The following CRYBB1 variants were observed in gnomAD, a reference collection of about 807,000 sequenced individuals.
CRYBB1 encodes beta-crystallin B1.
A neutral mutation model predicts 29.5 loss-of-function variants in CRYBB1; 16 were observed. The observed-to-expected ratio is 0.54, with a 90% CI of 0.37 to 0.82. CRYBB1 has a LOEUF of 0.82. Ranked by LOEUF, CRYBB1 falls within the 40% of genes least tolerant of loss-of-function variation. CRYBB1 has a pLI of 0.00. For synonymous variants in CRYBB1, 127 were observed against 136.7 expected (o/e 0.93, Z 0.49); for missense variants, 300 against 350.5 (o/e 0.86, Z 1.15).
chr22:26,601,176 A>G (rs1928806637), intron 5 of CRYBB1, among the ~76,000 whole-genome samples: 1 of 152,226 alleles, frequency 6.6e-6, no homozygotes, highest in Non-Finnish European at 1.5e-5. Context: ...ATGGAGAGAC[A>G]GAGCCTTACG....
intron 5 of CRYBB1, 150 bp from the exon 6 acceptor site, chr22:26,599,823 C>T: frequency 1.4e-6 from 1 of 725,068 alleles, no homozygotes; most frequent in Non-Finnish European, 2.5e-6. Context: ...TGCTCTGTGC[C>T]CTGGGGCAAG....
chr22:26,611,448 G>C (rs1042658287), intron 3 of CRYBB1, among the ~76,000 whole-genome samples: 2 of 150,380 alleles, frequency 1.3e-5, no homozygotes, highest in Non-Finnish European at 3.0e-5. Flanking sequence ...TAATGGGCTA[G>C]AGTTTGTTTT....
intron 3 of CRYBB1, among the ~76,000 whole-genome samples, chr22:26,611,453 TG>T (rs1260381144): frequency 4.1e-5 from 6 of 144,724 alleles, no homozygotes; most frequent in Non-Finnish European, 7.6e-5. Flanking sequence ...GGCTAGAGTT[TG>T]TTTTTTTTTT....
chr22:26,607,793 C>T (rs1929028695), intron 4 of CRYBB1, 96 bp downstream of exon 4: 1 of 1,565,248 alleles, frequency 6.4e-7, no homozygotes, highest in Non-Finnish European at 8.8e-7. Context: ...CCTCCCTACC[C>T]ACCATCATCT....
chr22:26,599,774 C>T lies in CRYBB1; in HGVS notation c.576-101G>A, dbSNP rs563081869. 8 of 894,210 alleles carry T rather than the reference C, an allele frequency of 8.9e-6. No individual in the cohort carries two copies. In the East Asian group the frequency reaches 1.3e-4, roughly 14 times the overall value. The allele number at this position is 894,210 out of a possible 1,614,324, so 55.4% of individuals were successfully genotyped here. On this transcript the variant is annotated intron_variant, in intron 5 of 5. Coordinates refer to ENST00000647684, the MANE Select transcript of CRYBB1 (RefSeq NM_001887.4). Reference sequence around the variant, plus strand: ...CCTGTCCTTCATTGATCCCTGCAGTCGGCTGCTCTCTCACTTCTGTCCTGG... The same window carrying T: ...CCTGTCCTTCATTGATCCCTGCAGTTGGCTGCTCTCTCACTTCTGTCCTGG...
chr22:26,610,456 A>C (rs1569206323), intron 3 of CRYBB1, among the ~76,000 whole-genome samples: 1 of 152,094 alleles, frequency 6.6e-6, no homozygotes, highest in Admixed American at 6.5e-5. Context: ...CACCAGCTGC[A>C]TCTTTGTTTG....
At chr22:26,601,848 G>A (rs757542184) in intron 5 of CRYBB1, 31 bp downstream of exon 5, 1 of 1,611,430 alleles carries the variant, frequency 6.2e-7, no homozygotes, top group Non-Finnish European at 8.5e-7. Flanking sequence ...CTTGAAGCAG[G>A]GGACGCGGAC....
intron 4 of CRYBB1, among the ~76,000 whole-genome samples, chr22:26,606,585 TTG>T (rs1485013252): frequency 6.6e-6 from 1 of 152,222 alleles, no homozygotes; most frequent in African/African-American, 2.4e-5. Context: ...CATTCAATGA[TTG>T]AGAGAGACAT....
chr22:26,617,293 A>G (rs1386566394), intron 1 of CRYBB1, among the ~76,000 whole-genome samples: 2 of 152,138 alleles, frequency 1.3e-5, no homozygotes, highest in African/African-American at 4.8e-5. Flanking sequence ...GGACAAAAAT[A>G]ATGCTCTCTT....
At chr22:26,616,962 C>G (rs891516598) in intron 1 of CRYBB1, among the ~76,000 whole-genome samples, 3 of 152,198 alleles carry the variant, frequency 2.0e-5, no homozygotes, top group Admixed American at 6.5e-5. Context: ...ACCGTCCATC[C>G]CTAACACTTG....
At chr22:26,615,496 G>A (rs4822753) in intron 2 of CRYBB1, among the ~76,000 whole-genome samples, 30,551 of 151,828 alleles carry the variant, frequency 0.2, 3,258 homozygotes, top group Middle Eastern at 0.23. Context: ...CTCAACTATA[G>A]GTCCCCTTTT....
chr22:26,599,493 C>T lies in CRYBB1; in HGVS notation c.756G>A (p.Lys252=), dbSNP rs202221808. The T allele has an allele frequency of 1.2e-6, 2 of 1,612,264 alleles. No individual in the cohort carries two copies. Among genetic ancestry groups the T allele is most frequent in the East Asian group, 4.5e-5 (2 of 44,878 alleles). The change falls in exon 6 of 6, where the codon AAG becomes AAA. Residue 252 remains lysine, a synonymous_variant. Coordinates refer to ENST00000647684, the MANE Select transcript of CRYBB1 (RefSeq NM_001887.4). Reference sequence around the variant, plus strand: ...GGTAGCAGAGTGAGGTGTGGACTCACTTGGGGGGCTCTGTGGCCAGGACAG... The same window carrying T: ...GGTAGCAGAGTGAGGTGTGGACTCATTTGGGGGGCTCTGTGGCCAGGACAG... ...SFPVLATEPP[K]
rs775177584 is a variant in CRYBB1 at position 26,607,961 on chromosome 22, C to T, written c.360G>A (p.Glu120=). The T allele has an allele frequency of 1.9e-6, 3 of 1,614,212 alleles. No homozygotes were observed. Among genetic ancestry groups the T allele is most frequent in the Non-Finnish European group, 2.5e-6 (3 of 1,180,048 alleles). ...TCGACCATGTGTTCCAGCGAGGGTACTCGCCCTTCTCCAGGATGAACATCT... is the reference window on the plus strand; with the variant it reads ...TCGACCATGTGTTCCAGCGAGGGTATTCGCCCTTCTCCAGGATGAACATCT... ...RGEMFILEKG[E]YPRWNTWSSS... Residue 120 remains glutamate, a synonymous_variant, in exon 4 of 6, where the codon GAG becomes GAA. Coordinates refer to ENST00000647684, the MANE Select transcript of CRYBB1 (RefSeq NM_001887.4).
At chr22:26,614,338 C>G (rs149031599) in intron 2 of CRYBB1, among the ~76,000 whole-genome samples, 234 of 152,272 alleles carry the variant, frequency 1.5e-3, no homozygotes, top group African/African-American at 5.3e-3. Context: ...TGTGATGTCT[C>G]CCCCGGACGC....
At chr22:26,600,318 C>T (rs1928782354) in intron 5 of CRYBB1, among the ~76,000 whole-genome samples, 3 of 151,812 alleles carry the variant, frequency 2.0e-5, no homozygotes, top group Non-Finnish European at 2.9e-5. Context: ...AGGAGAACGG[C>T]GTGAACCCAG....
At chr22:26,609,476 G>T (rs547781956) in intron 3 of CRYBB1, among the ~76,000 whole-genome samples, 15 of 152,222 alleles carry the variant, frequency 9.9e-5, no homozygotes, top group Non-Finnish European at 1.6e-4. Context: ...ATGAATGGAT[G>T]CATGGATAAA....
chr22:26,599,551 C>A lies in CRYBB1; in HGVS notation c.698G>T (p.Arg233Leu), dbSNP rs575368335. 6.2e-7 allele frequency: 1 copy of A among 1,614,132 alleles called. No individual in the cohort carries two copies. Among genetic ancestry groups the A allele is most frequent in the South Asian group, 1.1e-5 (1 of 91,086 alleles). Reference protein sequence around the residue: ...QPQMQSLRRLRDKQWHLEGSF... With the variant: ...QPQMQSLRRLLDKQWHLEGSF... Reference sequence around the variant, plus strand: ...CCCCTCGAGGTGCCACTGCTTGTCACGCAGGCGACGCAGGGACTGCATCTG... The same window carrying A: ...CCCCTCGAGGTGCCACTGCTTGTCAAGCAGGCGACGCAGGGACTGCATCTG... The change falls in exon 6 of 6, where the codon CGT (arginine) becomes CTT (leucine). Residue 233 changes from arginine (R) to leucine (L), a missense_variant. Transcript: ENST00000647684.
In CRYBB1 at chr22:26,616,128, C is replaced by G; in HGVS notation, c.180+12G>C. ...GGCATGGCACCCAGCCACTGCACCC[C>G]CAGGTCCTTACCCTGTAGTTCCCAG... is the stretch of plus-strand genomic sequence containing the variant. On this transcript the variant is annotated intron_variant, in intron 2 of 5. Coordinates refer to ENST00000647684, the MANE Select transcript of CRYBB1 (RefSeq NM_001887.4). 6.2e-7 allele frequency: 1 copy of G among 1,612,822 alleles called. No individual in the cohort carries two copies.
chr22:26,607,334 T>G (rs993199592), intron 4 of CRYBB1, among the ~76,000 whole-genome samples: 2 of 152,256 alleles, frequency 1.3e-5, no homozygotes, highest in Admixed American at 1.3e-4. Context: ...AATATCCCTC[T>G]TCTTAGCCAT....
Sources: allele counts gnomAD v4.1 joint callset (sites outside exome capture counted in the v4.1 genomes callset), GRCh38; gene constraint gnomAD v4.1.1; transcripts MANE v1.5; gene names NCBI Gene and HGNC (gene_info 2026-07-23, HGNC 2026-07-21).